Variants in MALRD1 observed in about 807,000 individuals in gnomAD.
The protein encoded by MALRD1 is MAM and LDL receptor class A domain containing 1, also known as MAM and LDL-receptor class A domain-containing protein 1.
Under a neutral mutation model 242.1 loss-of-function variants are expected in MALRD1, and 247 were observed. The observed-to-expected ratio is 1.02, with a 90% CI of 0.92 to 1.13. MALRD1 has a LOEUF of 1.13. Among genes scored for constraint, MALRD1 ranks in the 50% most tolerant of loss-of-function variants. The pLI, the probability that MALRD1 is intolerant of heterozygous loss-of-function variation, is 0.00. For missense variants in MALRD1, 2,989 were observed against 2,533.1 expected, an observed-to-expected ratio of 1.18 and a Z score of -3.86; for synonymous variants, 995 against 866.6, an observed-to-expected ratio of 1.15 and a Z score of -2.60.
chr10:19,143,251 G>A (rs1159983283), intron 10 of MALRD1, among the ~76,000 whole-genome samples: 1 of 152,194 alleles, frequency 6.6e-6, no homozygotes, highest in Non-Finnish European at 1.5e-5. Context: ...TTTATCTTGA[G>A]AGCTTCTTTC....
chr10:19,461,995 A>T (rs921780841), intron 29 of MALRD1, among the ~76,000 whole-genome samples: 2 of 152,152 alleles, frequency 1.3e-5, no homozygotes, highest in African/African-American at 4.8e-5. Flanking sequence ...TCTTGGGTCA[A>T]ATGGTCACCC....
At chr10:19,479,604 G>T (rs1012896988) in intron 29 of MALRD1, among the ~76,000 whole-genome samples, 1 of 152,160 alleles carries the variant, frequency 6.6e-6, no homozygotes, top group African/African-American at 2.4e-5. Context: ...AATGAGGCAC[G>T]TATAAATTCG....
intron 18 of MALRD1, among the ~76,000 whole-genome samples, chr10:19,254,812 A>T (rs1235361672): frequency 6.6e-6 from 1 of 151,964 alleles, no homozygotes; most frequent in Admixed American, 6.6e-5. Context: ...CTGATATGTT[A>T]TATTGGAATT....
At chr10:19,602,273 G>A (rs1439989762) in intron 34 of MALRD1, among the ~76,000 whole-genome samples, 6 of 144,648 alleles carry the variant, frequency 4.1e-5, no homozygotes, top group African/African-American at 7.8e-5. Context: ...GTATACATGC[G>A]CCATGCTGGT....
intron 18 of MALRD1, among the ~76,000 whole-genome samples, chr10:19,241,660 A>G (rs897097825): frequency 1.3e-5 from 2 of 151,798 alleles, no homozygotes; most frequent in Admixed American, 1.3e-4. Flanking sequence ...TGATTTGAAA[A>G]TCTTTCTTCT....
At chr10:19,359,344 C>T (rs556275219) in intron 26 of MALRD1, among the ~76,000 whole-genome samples, 6 of 152,228 alleles carry the variant, frequency 3.9e-5, no homozygotes, top group Admixed American at 6.5e-5. Flanking sequence ...TCACCCCAAA[C>T]ACACTAGACT....
At chr10:19,608,194 C>T (rs930226632) in intron 35 of MALRD1, among the ~76,000 whole-genome samples, 2 of 151,992 alleles carry the variant, frequency 1.3e-5, no homozygotes, top group African/African-American at 4.8e-5. Context: ...AATAATCTCT[C>T]CTCTGAAAAT....
intron 36 of MALRD1, among the ~76,000 whole-genome samples, chr10:19,645,987 T>G (rs1306141500): frequency 1.3e-5 from 2 of 152,226 alleles, no homozygotes; most frequent in African/African-American, 4.8e-5. Flanking sequence ...CTGGTTTGCC[T>G]TTGTTTTTGT....
At chr10:19,683,596 C>A (rs1446272532) in intron 36 of MALRD1, among the ~76,000 whole-genome samples, 1 of 152,132 alleles carries the variant, frequency 6.6e-6, no homozygotes. Context: ...ATCACAGCTG[C>A]CTGTCTATAT....
At chr10:19,555,574 G>C (rs1437496796) in intron 32 of MALRD1, among the ~76,000 whole-genome samples, 1 of 152,150 alleles carries the variant, frequency 6.6e-6, no homozygotes, top group Non-Finnish European at 1.5e-5. Context: ...GTAACCTTAT[G>C]CTAGAGCATA....
intron 31 of MALRD1, among the ~76,000 whole-genome samples, chr10:19,524,875 CTTTAT>C (rs1564412673): frequency 6.7e-6 from 1 of 150,182 alleles, no homozygotes; most frequent in Non-Finnish European, 1.5e-5. Context: ...CATACCTTTC[CTTTAT>C]TTTATTTTTT....
At chr10:19,106,122 G>A (rs775909958) in intron 5 of MALRD1, among the ~76,000 whole-genome samples, 2 of 151,822 alleles carry the variant, frequency 1.3e-5, no homozygotes. Flanking sequence ...TACATGCATA[G>A]AATGTATTCA....
chr10:19,417,941 C>T (rs964951985), intron 28 of MALRD1, among the ~76,000 whole-genome samples: 5 of 151,954 alleles, frequency 3.3e-5, no homozygotes, highest in African/African-American at 9.7e-5. Context: ...TGAGTGCCTA[C>T]GGTGCACTGG....
At chr10:19,079,299 TTC>T (rs1326275530) in intron 2 of MALRD1, among the ~76,000 whole-genome samples, 2 of 151,928 alleles carry the variant, frequency 1.3e-5, no homozygotes, top group East Asian at 1.9e-4. Context: ...TCTGATTTCA[TTC>T]TGTTATTAAT....
intron 29 of MALRD1, among the ~76,000 whole-genome samples, chr10:19,462,095 T>C (rs1835973295): frequency 6.6e-6 from 1 of 151,958 alleles, no homozygotes; most frequent in African/African-American, 2.4e-5. Flanking sequence ...GATGAAGGAG[T>C]GTCACCAGAA....
chr10:19,171,890 A>G (rs1414814491), intron 13 of MALRD1, among the ~76,000 whole-genome samples: 1 of 142,078 alleles, frequency 7.0e-6, no homozygotes, highest in Non-Finnish European at 1.5e-5. Flanking sequence ...ACGTATATAT[A>G]TGATATATAT....
intron 28 of MALRD1, among the ~76,000 whole-genome samples, chr10:19,429,969 C>G (rs909036097): frequency 2.6e-5 from 4 of 152,088 alleles, no homozygotes; most frequent in African/African-American, 7.2e-5. Flanking sequence ...CCAGTCATTA[C>G]TTCTTAAGGT....
chr10:19,236,711 C>A (rs74118891), intron 18 of MALRD1, among the ~76,000 whole-genome samples: 1,621 of 152,216 alleles, frequency 0.011, 34 homozygotes, highest in African/African-American at 0.036. Context: ...ATAGATTCAG[C>A]TGTAATTTTC....
At chr10:19,582,224 T>G (rs1466344381) in intron 33 of MALRD1, among the ~76,000 whole-genome samples, 1 of 152,132 alleles carries the variant, frequency 6.6e-6, no homozygotes, top group Non-Finnish European at 1.5e-5. Flanking sequence ...CTCTTTAGTT[T>G]AATTAGATCC....
Sources: gnomAD v4.1 joint callset for allele counts (sites outside exome capture counted in the v4.1 genomes callset) on GRCh38, gnomAD v4.1.1 for gene constraint, MANE v1.5 for transcripts, NCBI Gene and HGNC (gene_info 2026-07-23, HGNC 2026-07-21) for gene names.